Variants in BCL6 observed in about 807,000 individuals in gnomAD.
BCL6 encodes the protein B-cell lymphoma 6 protein.
A neutral mutation model predicts 59.5 loss-of-function variants in BCL6; 7 were observed. That is an observed-to-expected ratio of 0.12 (90% confidence interval 0.07 to 0.22). BCL6 has a LOEUF of 0.22. BCL6 is among the 10% of genes least tolerant of loss of function. The probability of loss-of-function intolerance (pLI) is 1.00; values close to 1 mark genes in which losing one functional copy is unlikely to be tolerated. For synonymous variants in BCL6, 339 were observed against 349.7 expected (o/e 0.97, Z 0.34); for missense variants, 685 against 939.4 (o/e 0.73, Z 3.54).
chr3:187,733,430 G>A (rs147293781), intron 3 of BCL6, 103 bp downstream of exon 3: 21 of 1,356,398 alleles, frequency 1.5e-5, no homozygotes, highest in Middle Eastern at 2.6e-4. Context: ...AAAGCGAGAC[G>A]TCATCCCAGA....
intron 1 of BCL6, chr3:187,736,381 A>G (rs1719281622): frequency 6.6e-6 from 1 of 152,244 alleles, no homozygotes; most frequent in African/African-American, 2.4e-5. Context: ...AAAGCTGAAG[A>G]CACATGGGAG....
chr3:187,745,445 A>T lies in BCL6; in HGVS notation c.-85T>A, dbSNP rs546587384. The T allele has an allele frequency of 2.5e-6, 1 of 399,590 alleles. No individual in the cohort carries two copies. Among genetic ancestry groups the T allele is most frequent in the African/African-American group, 2.1e-5 (1 of 48,718 alleles). 24.8% of individuals were successfully genotyped at this position (399,590 alleles called of 1,614,324 possible). A position where few individuals can be genotyped will look rare whatever the true frequency, so the allele number is the denominator to read the frequency against. ...GCCTTTCCTAGAAACTTCTTGCATC[A>T]CCACTTCTAAGAACCCCAGTTCTAA... is the stretch of plus-strand genomic sequence containing the variant. On this transcript the variant is annotated 5_prime_UTR_variant, in exon 1 of 10. Coordinates refer to ENST00000406870, the MANE Select transcript of BCL6 (RefSeq NM_001706.5).
intron 1 of BCL6, among the ~76,000 whole-genome samples, 180 bp downstream of exon 1, chr3:187,745,230 A>G (rs2108485531): frequency 6.6e-6 from 1 of 152,258 alleles, no homozygotes; most frequent in Admixed American, 6.5e-5. Context: ...AAATATATAC[A>G]TTTATATCAA....
intron 4 of BCL6, among the ~76,000 whole-genome samples, chr3:187,730,647 G>A (rs1249814321): frequency 2.0e-5 from 3 of 152,206 alleles, no homozygotes; most frequent in Non-Finnish European, 2.9e-5. Context: ...TTAGCAGCTG[G>A]TGACATGGAG....
chr3:187,725,936 G>T lies in BCL6; in HGVS notation c.1709-307C>A, dbSNP rs1365296690. ...CCAGGAAGCCTGGGCTTTAGAACCAGCTTTGTCATTAGGATTATCTGCCTG... is the reference window on the plus strand; with the variant it reads ...CCAGGAAGCCTGGGCTTTAGAACCATCTTTGTCATTAGGATTATCTGCCTG... On this transcript the variant is annotated intron_variant, in intron 7 of 9. Transcript: ENST00000406870. This position sits in a 1 kb window ranked among gnomAD's most constrained non-coding sequence, Gnocchi z 4.7. Among the ~76,000 whole-genome samples the T allele has an allele frequency of 6.6e-6, 1 of 152,210 alleles. No homozygotes were observed. Among genetic ancestry groups the T allele is most frequent in the African/African-American group, 2.4e-5 (1 of 41,454 alleles).
At chr3:187,724,801 G>T in intron 9 of BCL6, 140 bp downstream of exon 9, 1 of 1,216,540 alleles carries the variant, frequency 8.2e-7, no homozygotes, top group Non-Finnish European at 1.1e-6. Flanking sequence ...CATTAGCGTA[G>T]TGGTTGCCCC....
chr3:187,722,346 CTAGTGGATGAAAGAGG>C lies in BCL6; in HGVS notation c.*96_*111del. 1.5e-6 allele frequency: 1 copy of C among 648,996 alleles called. No homozygotes were observed. The highest frequency in any genetic ancestry group is 2.1e-6 in the Non-Finnish European group (1 of 487,124). The allele number at this position is 648,996 out of a possible 1,614,324, so 40.2% of individuals were successfully genotyped here. A position where few individuals can be genotyped will look rare whatever the true frequency, so the allele number is the denominator to read the frequency against. ...CCCCAACCCCCAGCTATGATTTGCA[CTAGTGGATGAAAGAGG>C]CACTACATCATGGGATGAACATTGT... On this transcript the variant is annotated 3_prime_UTR_variant, in exon 10 of 10. Transcript: ENST00000406870.
intron 4 of BCL6, among the ~76,000 whole-genome samples, chr3:187,731,368 C>T (rs1002083463): frequency 2.6e-5 from 4 of 152,006 alleles, no homozygotes; most frequent in Non-Finnish European, 4.4e-5. Context: ...CTTCACAACA[C>T]AGAGGAAGAG....
Position 187,725,449 on chromosome 3 carries a change from TGCCCGCTCCGCTC to T in BCL6, c.1839+37_1839+49del, listed in dbSNP as rs1407975331. 3.2e-6 allele frequency: 5 copies of T among 1,550,080 alleles called. No homozygotes were observed. The highest frequency in any genetic ancestry group is 1.8e-5 in the African/African-American group (1 of 54,456). On this transcript the variant is annotated intron_variant, in intron 8 of 9. Transcript: ENST00000406870. The surrounding 1 kb of genome is among the most constrained non-coding windows in gnomAD (Gnocchi z 4.7). ...TTGCCTGCCCACTCCTCCGCTCGCCTGCCCGCTCCGCTCGCCTGCCCGCTCCGCTCGCCTGCCC... is the reference window on the plus strand; with the variant it reads ...TTGCCTGCCCACTCCTCCGCTCGCCTGCCTGCCCGCTCCGCTCGCCTGCCC...
chr3:187,725,739 G>A lies in BCL6; in HGVS notation c.1709-110C>T. The A allele has an allele frequency of 1.5e-6, 2 of 1,370,726 alleles. No homozygotes were observed. The highest frequency in any genetic ancestry group is 2.0e-6 in the Non-Finnish European group (2 of 1,001,550). The allele number at this position is 1,370,726 out of a possible 1,614,324, so 84.9% of individuals were successfully genotyped here. A position where few individuals can be genotyped will look rare whatever the true frequency, so the allele number is the denominator to read the frequency against. ...CCTGCTCCTCCCTGAGGCCACTTGTGTTTTCCTTTCCCTTAGGGAATGTGA... is the reference window on the plus strand; with the variant it reads ...CCTGCTCCTCCCTGAGGCCACTTGTATTTTCCTTTCCCTTAGGGAATGTGA... On this transcript the variant is annotated intron_variant, in intron 7 of 9. Coordinates refer to ENST00000406870, the MANE Select transcript of BCL6 (RefSeq NM_001706.5). This position sits in a 1 kb window ranked among gnomAD's most constrained non-coding sequence, Gnocchi z 4.7.
At chr3:187,744,828 G>C (rs148932597) in intron 1 of BCL6, among the ~76,000 whole-genome samples, 2 of 152,204 alleles carry the variant, frequency 1.3e-5, no homozygotes, top group Admixed American at 6.5e-5. Flanking sequence ...AAAGCAGTTT[G>C]CAAGCGAGAA....
intron 1 of BCL6, among the ~76,000 whole-genome samples, chr3:187,744,588 A>C (rs1711795557): frequency 1.3e-5 from 2 of 152,202 alleles, no homozygotes; most frequent in Admixed American, 6.5e-5. Context: ...AAAAACAAAA[A>C]CAAAAACCCA....
At chr3:187,744,900 CAGAAAGAGCGA>C in intron 1 of BCL6, among the ~76,000 whole-genome samples, 1 of 152,208 alleles carries the variant, frequency 6.6e-6, no homozygotes, top group Non-Finnish European at 1.5e-5. Flanking sequence ...CAAGCAGCAG[CAGAAAGAGCGA>C]GAGCGCGAGC....
intron 1 of BCL6, among the ~76,000 whole-genome samples, chr3:187,744,628 A>C (rs1711801245): frequency 2.0e-5 from 3 of 152,172 alleles, no homozygotes; most frequent in Admixed American, 6.5e-5. Flanking sequence ...TTCCTTCCAA[A>C]TCTCGGTTCG....
chr3:187,743,359 G>A (rs1370589265), intron 1 of BCL6, among the ~76,000 whole-genome samples: 1 of 151,960 alleles, frequency 6.6e-6, no homozygotes, highest in Non-Finnish European at 1.5e-5. Context: ...GAGGGGGCGC[G>A]GAGTGGAGAT....
chr3:187,742,481 A>C (rs1336746849), intron 1 of BCL6, among the ~76,000 whole-genome samples: 1 of 152,232 alleles, frequency 6.6e-6, no homozygotes, highest in Non-Finnish European at 1.5e-5. Flanking sequence ...GGGCAATTGG[A>C]GAATTCCCAC....
At chr3:187,744,740 G>A (rs537249615) in intron 1 of BCL6, among the ~76,000 whole-genome samples, 2 of 152,108 alleles carry the variant, frequency 1.3e-5, no homozygotes, top group Admixed American at 6.5e-5. Flanking sequence ...TTACCCAGAA[G>A]GACAGGGGAA....
intron 1 of BCL6, among the ~76,000 whole-genome samples, chr3:187,744,660 A>C (rs538245067): frequency 6.6e-6 from 1 of 152,254 alleles, no homozygotes; most frequent in Admixed American, 6.5e-5. Flanking sequence ...GGGAATCTAA[A>C]AGACCGAGGC....
intron 2 of BCL6, chr3:187,733,976 C>A (rs1259158916): frequency 6.6e-6 from 3 of 451,164 alleles, no homozygotes; most frequent in African/African-American, 2.0e-5. Flanking sequence ...TCCCACATAC[C>A]AAATACTCTG....
Sources: gnomAD v4.1 joint callset for allele counts (sites outside exome capture counted in the v4.1 genomes callset) on GRCh38, gnomAD v4.1.1 for gene constraint, Gnocchi (gnomAD v3.1) non-coding constraint, MANE v1.5 for transcripts, NCBI Gene and HGNC (gene_info 2026-07-23, HGNC 2026-07-21) for gene names.